Variants in PPP2R2B observed in about 807,000 individuals in gnomAD.
PPP2R2B encodes serine/threonine-protein phosphatase 2A 55 kDa regulatory subunit B beta isoform.
A neutral mutation model predicts 46.0 loss-of-function variants in PPP2R2B; 5 were observed. The ratio of observed to expected loss-of-function variants is 0.11; its 90% CI spans 0.06 to 0.23. The LOEUF is 0.23. Among genes scored for constraint, PPP2R2B ranks in the 10% least tolerant of loss-of-function variants. The probability of loss-of-function intolerance (pLI) is 1.00; values close to 1 mark genes in which losing one functional copy is unlikely to be tolerated. For missense variants in PPP2R2B, 367 were observed against 575.0 expected, an observed-to-expected ratio of 0.64 and a Z score of 3.70; for synonymous variants, 215 against 206.7, an observed-to-expected ratio of 1.04 and a Z score of -0.34.
intron 7 of PPP2R2B, among the ~76,000 whole-genome samples, chr5:146,617,311 T>G (rs570720944): frequency 6.6e-6 from 1 of 152,222 alleles, no homozygotes; most frequent in South Asian, 2.1e-4. Context: ...CACAACAGGG[T>G]GATTATAGTC....
At chr5:146,769,286 T>G (rs1240384815) in intron 2 of PPP2R2B, among the ~76,000 whole-genome samples, 1 of 152,152 alleles carries the variant, frequency 6.6e-6, no homozygotes, top group Non-Finnish European at 1.5e-5. Context: ...TGGGAACTTG[T>G]TAGGAATGCA....
At chr5:146,880,898 C>T (rs1244648840), upstream of PPP2R2B, among the ~76,000 whole-genome samples, 1 of 152,186 alleles carries the variant, frequency 6.6e-6, no homozygotes, top group African/African-American at 2.4e-5. Flanking sequence ...AAGTAGATTT[C>T]AAGGTTTCCA....
intron 2 of PPP2R2B, among the ~76,000 whole-genome samples, chr5:146,781,383 GA>G (rs1211245235): frequency 1.3e-5 from 2 of 151,066 alleles, no homozygotes; most frequent in Non-Finnish European, 2.9e-5. Flanking sequence ...CTGTATCCTT[GA>G]AGAAGGCAAC....
At chr5:146,705,323 C>T (rs1779768386) in intron 2 of PPP2R2B, among the ~76,000 whole-genome samples, 1 of 152,102 alleles carries the variant, frequency 6.6e-6, no homozygotes, top group African/African-American at 2.4e-5. Flanking sequence ...AAGATAAGAA[C>T]AGAAAATATA....
intron 1 of PPP2R2B, among the ~76,000 whole-genome samples, chr5:146,893,468 A>G (rs1015328482): frequency 1.3e-4 from 20 of 152,130 alleles, no homozygotes; most frequent in African/African-American, 4.6e-4. Context: ...ATCTTCCTCT[A>G]CCCTACATCC....
Position 146,638,362 on chromosome 5 carries a change from C to T in PPP2R2B, c.679G>A (p.Ala227Thr). The T allele has an allele frequency of 2.5e-6, 4 of 1,613,096 alleles. No homozygotes were observed. Among genetic ancestry groups the T allele is most frequent in the Non-Finnish European group, 3.4e-6 (4 of 1,179,182 alleles). ...CAATGATGGGGGTGGAACTCGGCTG[C>T]TGTGATCACCTCCGTGAGCTCCTCC... ...NMEELTEVIT[A>T]AEFHPHHCNT... Residue 227 changes from alanine (A) to threonine (T), a missense_variant, in exon 7 of 10, where the codon GCA becomes ACA. Ala to Thr is a moderately conservative substitution (Grantham distance 58). Transcript: ENST00000394411.
chr5:146,601,878 T>C (rs1159862647), intron 7 of PPP2R2B, among the ~76,000 whole-genome samples: 2 of 152,184 alleles, frequency 1.3e-5, no homozygotes, highest in Non-Finnish European at 2.9e-5. Flanking sequence ...AGGTTCTTAT[T>C]ATCTCTCTCA....
At chr5:146,651,617 G>A (rs1052189967) in intron 5 of PPP2R2B, among the ~76,000 whole-genome samples, 2 of 152,120 alleles carry the variant, frequency 1.3e-5, no homozygotes, top group African/African-American at 4.8e-5. Flanking sequence ...TAATGCCTGA[G>A]AGGGAACAAA....
At chr5:146,660,631 T>C (rs1776614268) in intron 5 of PPP2R2B, among the ~76,000 whole-genome samples, 1 of 152,150 alleles carries the variant, frequency 6.6e-6, no homozygotes, top group Admixed American at 6.5e-5. Context: ...CCTATCCAAA[T>C]AATATAATTT....
intron 4 of PPP2R2B, among the ~76,000 whole-genome samples, chr5:146,694,907 C>T (rs1055747985): frequency 1.3e-5 from 2 of 152,018 alleles, no homozygotes; most frequent in African/African-American, 2.4e-5. Context: ...TCTATACCAA[C>T]GTCTATCCCT....
At chr5:146,646,867 G>A (rs935993064) in intron 6 of PPP2R2B, among the ~76,000 whole-genome samples, 1 of 152,164 alleles carries the variant, frequency 6.6e-6, no homozygotes, top group Non-Finnish European at 1.5e-5. Flanking sequence ...GTGTGTGTGT[G>A]TGTTTAATTT....
intron 2 of PPP2R2B, among the ~76,000 whole-genome samples, chr5:146,822,852 CT>C (rs1380375389): frequency 2.0e-5 from 3 of 152,184 alleles, no homozygotes; most frequent in Admixed American, 2.0e-4. Context: ...CAAGATAAGT[CT>C]TTCCGTGCCT....
chr5:146,941,834 A>G (rs886805850), intron 1 of PPP2R2B, among the ~76,000 whole-genome samples: 1 of 152,218 alleles, frequency 6.6e-6, no homozygotes, highest in Non-Finnish European at 1.5e-5. Context: ...GGTGTCTTAA[A>G]TGACAGGCAT....
intron 2 of PPP2R2B, among the ~76,000 whole-genome samples, chr5:146,832,640 C>T (rs1335872827): frequency 6.6e-6 from 1 of 151,952 alleles, no homozygotes; most frequent in Non-Finnish European, 1.5e-5. Context: ...ATCCACCTGC[C>T]TCGGCCTCCC....
chr5:146,955,634 A>C (rs1179386698), intron 1 of PPP2R2B, among the ~76,000 whole-genome samples: 1 of 152,144 alleles, frequency 6.6e-6, no homozygotes. Context: ...ACCCAGCACA[A>C]GAAGAACTGG....
intron 2 of PPP2R2B, among the ~76,000 whole-genome samples, chr5:146,841,791 G>C (rs1175430542): frequency 2.6e-5 from 4 of 152,106 alleles, no homozygotes; most frequent in Admixed American, 2.6e-4. Flanking sequence ...GGGGGTTGGG[G>C]AGCTAGGGGA....
intron 2 of PPP2R2B, among the ~76,000 whole-genome samples, chr5:146,868,623 CT>C (rs765760848): frequency 1.3e-5 from 2 of 149,582 alleles, no homozygotes; most frequent in African/African-American, 2.5e-5. Context: ...CTACCCAGGT[CT>C]TCTGATGTGC....
upstream of PPP2R2B, among the ~76,000 whole-genome samples, chr5:146,880,329 TA>T (rs1396941389): frequency 6.6e-6 from 1 of 152,130 alleles, no homozygotes; most frequent in African/African-American, 2.4e-5. Context: ...AAAATTTTAG[TA>T]ACAGGTGAAG....
chr5:146,594,391 A>G (rs1410667905), intron 8 of PPP2R2B, among the ~76,000 whole-genome samples: 4 of 152,198 alleles, frequency 2.6e-5, no homozygotes, highest in East Asian at 1.9e-4. Context: ...ACATTCAGCA[A>G]CTCAGCTGTA....
Sources: allele counts gnomAD v4.1 joint callset (sites outside exome capture counted in the v4.1 genomes callset), GRCh38; gene constraint gnomAD v4.1.1; transcripts MANE v1.5; gene names NCBI Gene and HGNC (gene_info 2026-07-23, HGNC 2026-07-21).